Variants in PAPPA2 observed in about 807,000 individuals in gnomAD.
PAPPA2 encodes pappalysin-2.
A neutral mutation model predicts 176.4 loss-of-function variants in PAPPA2; 86 were observed. The observed-to-expected ratio is 0.49, with a 90% CI of 0.41 to 0.58. The LOEUF (loss-of-function observed/expected upper bound fraction) is 0.58. PAPPA2 is among the 20% of genes least tolerant of loss of function. The pLI, the probability that PAPPA2 is intolerant of heterozygous loss-of-function variation, is 0.00. For missense variants in PAPPA2, 2,073 were observed against 2,256.9 expected (o/e 0.92, Z 1.65); for synonymous variants, 809 against 852.2 (o/e 0.95, Z 0.88).
rs1667618762 is a variant in PAPPA2 at position 176,845,088 on chromosome 1, A to G, written c.*2634A>G. ...ATGTTTTGAGCAACTCAGGTCACTG[A>G]TAAAGTGGAAGGACTAAGACACTGT... is the stretch of plus-strand genomic sequence containing the variant. On this transcript the variant is annotated 3_prime_UTR_variant, in exon 23 of 23. Coordinates refer to ENST00000367662, the MANE Select transcript of PAPPA2 (RefSeq NM_020318.3). 6.6e-6 allele frequency: 1 copy of G among 152,118 alleles called. No homozygotes were observed. The highest frequency in any genetic ancestry group is 2.1e-4 in the South Asian group (1 of 4,828). 9.4% of individuals were successfully genotyped at this position (152,118 alleles called of 1,614,324 possible).
At chr1:176,837,222 A>G (rs537302299) in intron 21 of PAPPA2, among the ~76,000 whole-genome samples, 1 of 152,148 alleles carries the variant, frequency 6.6e-6, no homozygotes, top group Non-Finnish European at 1.5e-5. Context: ...TTCCTATAAC[A>G]ATGAAAATAG....
In PAPPA2 at chr1:176,711,982, G is replaced by A; in HGVS notation, c.3798+1G>A. On this transcript the variant is annotated splice_donor_variant, in intron 12 of 22. Transcript: ENST00000367662. LOFTEE classifies it high-confidence loss of function. ...GAAAGAGGATGAGGTTTGGCTCAAA[G>A]TAAGTGGCCCAAATGTTTCTTTTGT... The A allele has an allele frequency of 6.2e-7, 1 of 1,609,950 alleles. No homozygotes were observed. Among genetic ancestry groups the A allele is most frequent in the Non-Finnish European group, 8.5e-7 (1 of 1,176,486 alleles).
At chr1:176,730,812 G>A (rs148247136) in intron 12 of PAPPA2, among the ~76,000 whole-genome samples, 12 of 151,978 alleles carry the variant, frequency 7.9e-5, no homozygotes, top group South Asian at 2.1e-4. Context: ...TCATTCAGTC[G>A]TAAGTATTTT....
At chr1:176,731,916 T>C (rs575930326) in intron 12 of PAPPA2, among the ~76,000 whole-genome samples, 1 of 152,152 alleles carries the variant, frequency 6.6e-6, no homozygotes, top group Non-Finnish European at 1.5e-5. Flanking sequence ...CATGCAATAT[T>C]TGGGCATATT....
intron 12 of PAPPA2, among the ~76,000 whole-genome samples, chr1:176,732,827 A>T (rs1272666189): frequency 6.6e-6 from 1 of 152,302 alleles, no homozygotes; most frequent in East Asian, 1.9e-4. Context: ...TCATTAAGTG[A>T]AAATTCAGTT....
At chr1:176,690,458 T>G in intron 5 of PAPPA2, 28 bp downstream of exon 5, 1 of 1,602,766 alleles carries the variant, frequency 6.2e-7, no homozygotes, top group South Asian at 1.1e-5. Context: ...TTTTGTTTTC[T>G]GTTAAGAATA....
In PAPPA2 at chr1:176,595,524, C is replaced by T. The variant is rs183641692; in HGVS notation, c.1920C>T (p.Asp640=). The T allele has an allele frequency of 7.5e-5, 121 of 1,614,120 alleles. No homozygotes were observed. The East Asian group carries it at 1.4e-3, about 19-fold the overall frequency. Residue 640 remains aspartate (D), a synonymous_variant, in exon 3 of 23, where the codon GAC becomes GAT. Transcript: ENST00000367662. ...VECNNMLNDF[D]DGDCCDPQVA... Reference sequence around the variant, plus strand: ...GTAACAACATGCTGAACGACTTTGACGACGGAGACTGCTGCGACCCCCAGG... The same window carrying T: ...GTAACAACATGCTGAACGACTTTGATGACGGAGACTGCTGCGACCCCCAGG...
chr1:176,745,403 G>A (rs1398923386), intron 14 of PAPPA2, among the ~76,000 whole-genome samples: 5 of 152,134 alleles, frequency 3.3e-5, no homozygotes, highest in Non-Finnish European at 2.9e-5. Flanking sequence ...GCTGGATGCC[G>A]TGGATTACTA....
At chr1:176,777,628 C>T (rs746639301) in intron 17 of PAPPA2, among the ~76,000 whole-genome samples, 12 of 152,068 alleles carry the variant, frequency 7.9e-5, no homozygotes, top group East Asian at 3.9e-4. Flanking sequence ...ATCTCAACTC[C>T]GCTATTTATT....
At chr1:176,538,846 T>C (rs926048036) in intron 1 of PAPPA2, among the ~76,000 whole-genome samples, 3 of 152,158 alleles carry the variant, frequency 2.0e-5, no homozygotes, top group Non-Finnish European at 4.4e-5. Flanking sequence ...CCAGCTGAGA[T>C]CCTGGTTCTG....
intron 1 of PAPPA2, among the ~76,000 whole-genome samples, chr1:176,549,591 A>G (rs1358203887): frequency 2.0e-5 from 3 of 152,218 alleles, no homozygotes; most frequent in Non-Finnish European, 4.4e-5. Context: ...TATTTGATTT[A>G]TTGAGGCCAT....
At chr1:176,758,884 A>T (rs374920235) in intron 14 of PAPPA2, among the ~76,000 whole-genome samples, 6 of 152,262 alleles carry the variant, frequency 3.9e-5, no homozygotes, top group African/African-American at 1.4e-4. Flanking sequence ...GTGAAACTCA[A>T]TACCATGTTA....
intron 2 of PAPPA2, among the ~76,000 whole-genome samples, chr1:176,582,309 T>C (rs550676194): frequency 1.3e-5 from 2 of 152,314 alleles, no homozygotes; most frequent in East Asian, 3.9e-4. Context: ...CCTTTTGTTT[T>C]CTTCTCTTGC....
At chr1:176,765,865 A>G (rs1663941490) in intron 15 of PAPPA2, 28 bp downstream of exon 15, 1 of 1,607,970 alleles carries the variant, frequency 6.2e-7, no homozygotes, top group South Asian at 1.1e-5. Context: ...TATCACCAGG[A>G]CCAAGTTCCT....
intron 14 of PAPPA2, among the ~76,000 whole-genome samples, chr1:176,756,421 C>T (rs1421900781): frequency 6.6e-6 from 1 of 152,158 alleles, no homozygotes; most frequent in Non-Finnish European, 1.5e-5. Flanking sequence ...TGGCAAAGTT[C>T]AGACTCATGT....
At chr1:176,788,065 A>T (rs1665020466) in intron 17 of PAPPA2, among the ~76,000 whole-genome samples, 1 of 152,114 alleles carries the variant, frequency 6.6e-6, no homozygotes, top group African/African-American at 2.4e-5. Context: ...CATCTCAGAA[A>T]AAAAAAGAAA....
intron 3 of PAPPA2, among the ~76,000 whole-genome samples, chr1:176,661,402 C>T (rs1325195447): frequency 6.6e-6 from 1 of 151,686 alleles, no homozygotes; most frequent in African/African-American, 2.4e-5. Context: ...GCAAGTAGAG[C>T]TGCTATGCCT....
chr1:176,818,256 A>C (rs999879875), intron 21 of PAPPA2, among the ~76,000 whole-genome samples: 3 of 152,222 alleles, frequency 2.0e-5, no homozygotes, highest in Non-Finnish European at 4.4e-5. Context: ...GATTGAGAGC[A>C]TGAAGACTAA....
chr1:176,468,714 G>C (rs573137436), intron 1 of PAPPA2, among the ~76,000 whole-genome samples: 27 of 152,286 alleles, frequency 1.8e-4, no homozygotes, highest in South Asian at 8.3e-4. Context: ...CACAGGGGTT[G>C]ACTTGGCCAC....
Sources: allele counts gnomAD v4.1 joint callset (sites outside exome capture counted in the v4.1 genomes callset), GRCh38; gene constraint gnomAD v4.1.1; transcripts MANE v1.5; gene names NCBI Gene and HGNC (gene_info 2026-07-23, HGNC 2026-07-21).